EPHA2: variants seen among roughly 807,000 people sequenced by gnomAD.
The protein encoded by EPHA2 is EPH receptor A2.
EPHA2 carries 54 observed loss-of-function variants against 104.9 expected under a neutral mutation model. That is an observed-to-expected ratio of 0.51 (90% CI 0.41 to 0.65). EPHA2 has a LOEUF of 0.65. Ranked by LOEUF, EPHA2 falls within the 30% of genes least tolerant of loss-of-function variation. The pLI, the probability that EPHA2 is intolerant of heterozygous loss-of-function variation, is 0.00. For synonymous variants in EPHA2, 560 were observed against 559.1 expected (o/e 1.00, Z -0.02); for missense variants, 1,117 against 1,369.5 (o/e 0.82, Z 2.91).
intron 3 of EPHA2, among the ~76,000 whole-genome samples, chr1:16,145,797 C>G (rs568767813): frequency 9.1e-4 from 138 of 152,326 alleles, no homozygotes; most frequent in Non-Finnish European, 1.7e-3. Flanking sequence ...CTGACCCATC[C>G]TGCAGCCTGG....
Position 16,130,514 on chromosome 1 carries a change from G to C in EPHA2, c.2476-95C>G. On this transcript the variant is annotated intron_variant, in intron 14 of 16. Transcript: ENST00000358432. The surrounding 1 kb of genome is among the most constrained non-coding windows in gnomAD (Gnocchi z 4.5). ...TGGAGGTGGGCAGGGGAGGGGAGGG[G>C]AACAGGAACATCCCAGAAACAGACA... 1 of 1,235,944 alleles carries C rather than the reference G, an allele frequency of 8.1e-7. No individual in the cohort carries two copies. Among genetic ancestry groups the C allele is most frequent in the Non-Finnish European group, 1.1e-6 (1 of 911,552 alleles). 76.6% of individuals were successfully genotyped at this position (1,235,944 alleles called of 1,614,324 possible). A position where few individuals can be genotyped will look rare whatever the true frequency, so the allele number is the denominator to read the frequency against.
intron 5 of EPHA2, among the ~76,000 whole-genome samples, 193 bp downstream of exon 5, chr1:16,137,660 G>A (rs2024738674): frequency 6.6e-6 from 1 of 152,276 alleles, no homozygotes; most frequent in African/African-American, 2.4e-5. Context: ...TTACGAATTT[G>A]TGTTGGGCCG....
chr1:16,143,276 G>C (rs2024863506), intron 3 of EPHA2, among the ~76,000 whole-genome samples: 1 of 152,022 alleles, frequency 6.6e-6, no homozygotes, highest in African/African-American at 2.4e-5. Flanking sequence ...GGAAGAGTGA[G>C]TGGGAGAGAG....
At chr1:16,152,142 A>G (rs1375064942) in intron 1 of EPHA2, among the ~76,000 whole-genome samples, 1 of 152,186 alleles carries the variant, frequency 6.6e-6, no homozygotes, top group African/African-American at 2.4e-5. Flanking sequence ...AAACCAAGTC[A>G]ATGCTTCCTT....
At chr1:16,144,609 T>A (rs1429554424) in intron 3 of EPHA2, among the ~76,000 whole-genome samples, 1 of 152,196 alleles carries the variant, frequency 6.6e-6, no homozygotes, top group Non-Finnish European at 1.5e-5. Context: ...TCCCCGGTGT[T>A]CAGACTGAGC....
In EPHA2 at chr1:16,138,391, C is replaced by T. The variant is rs932808821; in HGVS notation, c.863G>A (p.Ser288Asn). ...PGFFKFEASE[S>N]PCLECPEHTL... is the part of the protein sequence containing the mutation. ...GTGCTCAGGGCACTCCAAGCAGGGG[C>T]TCTCAGATGCCTCAAACTTAAAAAA... is the stretch of plus-strand genomic sequence containing the variant. The change falls in exon 4 of 17, where the codon AGC becomes AAC. Residue 288 changes from serine (S) to asparagine (N), a missense_variant. By Grantham distance (46) the Ser-to-Asn change is conservative. Coordinates refer to ENST00000358432, the MANE Select transcript of EPHA2 (RefSeq NM_004431.5). The T allele has an allele frequency of 2.5e-6, 4 of 1,613,730 alleles. No individual in the cohort carries two copies. The highest frequency in any genetic ancestry group is 3.4e-6 in the Non-Finnish European group (4 of 1,180,016).
intron 16 of EPHA2, among the ~76,000 whole-genome samples, chr1:16,126,953 A>C (rs1320603876): frequency 6.6e-6 from 1 of 152,178 alleles, no homozygotes; most frequent in South Asian, 2.1e-4. Flanking sequence ...TGTCTGCTGC[A>C]TGAATGCATG....
At position 16,135,586 on chromosome 1, in the gene EPHA2, C is replaced by T. The variant is rs765212354; in HGVS notation, c.1428+69G>A. On this transcript the variant is annotated intron_variant, in intron 6 of 16. Coordinates refer to ENST00000358432, the MANE Select transcript of EPHA2 (RefSeq NM_004431.5). This position sits in a 1 kb window ranked among gnomAD's most constrained non-coding sequence, Gnocchi z 4.3. ...TCAGATGGCTGGGTGGTTTGGTGAT[C>T]ATCTATGTGACCAGCCTGTCCCCTG... 1 of 1,445,124 alleles carries T rather than the reference C, an allele frequency of 6.9e-7. No individual in the cohort carries two copies. Among genetic ancestry groups the T allele is most frequent in the East Asian group, 2.3e-5 (1 of 44,020 alleles). The allele number at this position is 1,445,124 out of a possible 1,614,324, so 89.5% of individuals were successfully genotyped here. A position where few individuals can be genotyped will look rare whatever the true frequency, so the allele number is the denominator to read the frequency against.
chr1:16,131,685 G>A lies in EPHA2; in HGVS notation c.2475+36C>T. 2 of 1,613,546 alleles carry A rather than the reference G, an allele frequency of 1.2e-6. No homozygotes were observed. Among genetic ancestry groups the A allele is most frequent in the Non-Finnish European group, 1.7e-6 (2 of 1,179,950 alleles). ...GAGATGAGTAAAGGGCTTGAGTTCA[G>A]GTCCGGACAGGCCTGGGGAGGGCAA... On this transcript the variant is annotated intron_variant, in intron 14 of 16. Coordinates refer to ENST00000358432, the MANE Select transcript of EPHA2 (RefSeq NM_004431.5). The surrounding 1 kb of genome is among the most constrained non-coding windows in gnomAD (Gnocchi z 5.2).
At position 16,133,523 on chromosome 1, in the gene EPHA2, T is replaced by C. The variant is rs772872973; in HGVS notation, c.1822A>G (p.Ile608Val). The C allele has an allele frequency of 6.2e-7, 1 of 1,614,042 alleles. No individual in the cohort carries two copies. The highest frequency in any genetic ancestry group is 1.7e-5 in the Admixed American group (1 of 60,012). The change falls in exon 10 of 17, where the codon ATC (isoleucine) becomes GTC (valine). Residue 608 changes from isoleucine to valine, a missense_variant. Physicochemically the swap from Ile to Val is conservative, Grantham distance 29 (BLOSUM62 3). This residue lies in a region of EPHA2 where 113 missense variants were observed against 104.3 expected (regional missense o/e 1.08). Coordinates refer to ENST00000358432, the MANE Select transcript of EPHA2 (RefSeq NM_004431.5). The part of the protein sequence containing the change: ...NQAVLKFTTE[I>V]HPSCVTRQKV... Reference sequence around the variant, plus strand: ...TGCCGAGTGACACAGGATGGATGGATCTCGGTAGTGAACTTCAACACAGCC... The same window carrying C: ...TGCCGAGTGACACAGGATGGATGGACCTCGGTAGTGAACTTCAACACAGCC...
At position 16,134,566 on chromosome 1, in the gene EPHA2, G is replaced by T; in HGVS notation, c.1584C>A (p.Ser528=). The change falls in exon 8 of 17, where the codon TCC becomes TCA. Residue 528 remains serine (S), a splice_region_variant and synonymous_variant. Transcript: ENST00000358432. The surrounding 1 kb of genome is among the most constrained non-coding windows in gnomAD (Gnocchi z 4.5). ...GSKVHEFQTL[S]PEGSGNLAVI... The stretch of plus-strand genomic sequence containing the variant: ...CCGCCAAGTTGCCAGATCCCTCCGG[G>T]GCTGGTGGAAGAAATCAGCTGATGA... The T allele has an allele frequency of 6.2e-7, 1 of 1,613,972 alleles. No homozygotes were observed. The highest frequency in any genetic ancestry group is 1.3e-5 in the African/African-American group (1 of 75,008).
In EPHA2 at chr1:16,129,552, C is replaced by A. The variant is rs764404987; in HGVS notation, c.2707G>T (p.Gly903Trp). The A allele has an allele frequency of 6.2e-7, 1 of 1,612,854 alleles. No individual in the cohort carries two copies. The highest frequency in any genetic ancestry group is 1.1e-5 in the South Asian group (1 of 91,076). ...TCGGACACCGTGCGGAAGGGCACCC[C>A]CTCCGAGCCGCTCGTGCTGGGGAGC... ...IRLPSTSGSE[G>W]VPFRTVSEWL... The change falls in exon 16 of 17, where the codon GGG becomes TGG. Residue 903 changes from glycine (G) to tryptophan (W), a missense_variant. By Grantham distance (184) the Gly-to-Trp change is radical. This residue lies in a region of EPHA2 where 340 missense variants were observed against 480.5 expected (regional missense o/e 0.71). Coordinates refer to ENST00000358432, the MANE Select transcript of EPHA2 (RefSeq NM_004431.5).
chr1:16,126,727 C>T (rs761475890), intron 16 of EPHA2, among the ~76,000 whole-genome samples: 36 of 152,296 alleles, frequency 2.4e-4, no homozygotes, highest in African/African-American at 5.1e-4. Context: ...CAGATTCACT[C>T]GATTTGCAGT....
In EPHA2 at chr1:16,152,882, G is replaced by T. The variant is rs115442547; in HGVS notation, c.86-1919C>A. On this transcript the variant is annotated intron_variant, in intron 1 of 16. Coordinates refer to ENST00000358432, the MANE Select transcript of EPHA2 (RefSeq NM_004431.5). ...CCCCCTGCAGGGGTTTCCAACCCCG[G>T]CCCCCTCCCAGGGAAATTCCCTCGA... is the stretch of plus-strand genomic sequence containing the variant. Among the ~76,000 whole-genome samples the T allele has an allele frequency of 6.2e-4, 94 of 152,302 alleles. 1 individual carries two copies. The highest frequency in any genetic ancestry group is 2.1e-3 in the African/African-American group (88 of 41,568).
Position 16,148,506 on chromosome 1 carries a change from T to C in EPHA2, c.695A>G (p.Asp232Gly), listed in dbSNP as rs114498261. The C allele has an allele frequency of 9.4e-4, 1,525 of 1,613,756 alleles. 11 individuals carry two copies. The African/African-American group carries it at 0.019, about 20-fold the overall frequency. The change falls in exon 3 of 17, where the codon GAC (aspartate) becomes GGC (glycine). Residue 232 changes from aspartate (D) to glycine (G), a missense_variant. Asp to Gly is a moderately conservative substitution (Grantham distance 94). This residue lies in a region of EPHA2 where 664 missense variants were observed against 784.8 expected (regional missense o/e 0.85). Coordinates refer to ENST00000358432, the MANE Select transcript of EPHA2 (RefSeq NM_004431.5). The surrounding 1 kb of genome is among the most constrained non-coding windows in gnomAD (Gnocchi z 4.9). ...SLATVAGTCV[D>G]HAVVPPGGEE... is the part of the protein sequence containing the mutation. ...ACCCCCCGGTGGCACCACGGCATGG[T>C]CCACACAGGTGCCGGCCACAGTGGC... is the stretch of plus-strand genomic sequence containing the variant.
At chr1:16,155,806 T>TGGGGCCCG in intron 1 of EPHA2, 42 bp downstream of exon 1, 2 of 1,354,856 alleles carry the variant, frequency 1.5e-6, no homozygotes, top group Non-Finnish European at 1.9e-6. Context: ...TAGGGGGCAC[T>TGGGGCCCG]GGGGCCCGGG....
intron 11 of EPHA2, 59 bp from the exon 12 acceptor site, chr1:16,132,498 G>T (rs1332028562): frequency 5.6e-6 from 9 of 1,593,596 alleles, no homozygotes; most frequent in Non-Finnish European, 7.7e-6. Flanking sequence ...GGAGAGGTGG[G>T]CACAGATATG....
intron 2 of EPHA2, among the ~76,000 whole-genome samples, chr1:16,149,458 A>G (rs1214781372): frequency 1.3e-5 from 2 of 152,228 alleles, no homozygotes; most frequent in Non-Finnish European, 2.9e-5. Context: ...TAACAGGCAT[A>G]CGGGCAGCCA....
At chr1:16,132,975 G>A (rs1468139029) in intron 11 of EPHA2, 13 of 612,820 alleles carry the variant, frequency 2.1e-5, no homozygotes, top group Non-Finnish European at 3.4e-5. Flanking sequence ...GTGTAAGGAG[G>A]TGGGTGCAGG....
Sources: allele counts gnomAD v4.1 joint callset (sites outside exome capture counted in the v4.1 genomes callset), GRCh38; gene constraint gnomAD v4.1.1; regional missense constraint gnomAD v4.1.1; non-coding constraint Gnocchi (gnomAD v3.1); transcripts MANE v1.5; gene names NCBI Gene and HGNC (gene_info 2026-07-23, HGNC 2026-07-21).